KATNIP: variants seen among roughly 807,000 people sequenced by gnomAD.
KATNIP encodes katanin interacting protein.
Under a neutral mutation model 174.0 loss-of-function variants are expected in KATNIP, and 126 were observed. The observed-to-expected ratio is 0.72, with a 90% CI of 0.63 to 0.84. The LOEUF (loss-of-function observed/expected upper bound fraction) is 0.84. KATNIP is among the 40% of genes least tolerant of loss of function. KATNIP has a pLI of 0.00. For missense variants in KATNIP, 1,958 were observed against 2,109.7 expected (o/e 0.93, Z 1.41); for synonymous variants, 810 against 835.7 (o/e 0.97, Z 0.53).
chr16:27,600,147 G>A (rs1372921115), intron 2 of KATNIP, among the ~76,000 whole-genome samples: 1 of 152,154 alleles, frequency 6.6e-6, no homozygotes, highest in African/African-American at 2.4e-5. Context: ...GACATGCCCT[G>A]GCATGGATTA....
At chr16:27,644,562 G>C (rs1265819429) in intron 5 of KATNIP, 2 of 152,250 alleles carry the variant, frequency 1.3e-5, no homozygotes, top group Admixed American at 6.5e-5. Context: ...CTGGAGCATA[G>C]TGACGTGATC....
chr16:27,664,928 A>G (rs896855366), intron 6 of KATNIP, among the ~76,000 whole-genome samples: 4 of 152,172 alleles, frequency 2.6e-5, no homozygotes. Flanking sequence ...CCCTGAGGCT[A>G]GAGTGGGGGG....
intron 2 of KATNIP, among the ~76,000 whole-genome samples, chr16:27,584,967 G>A (rs765768169): frequency 3.3e-5 from 5 of 152,138 alleles, no homozygotes; most frequent in Non-Finnish European, 5.9e-5. Context: ...TGTGTTATGT[G>A]CACCCTGGCA....
intron 16 of KATNIP, among the ~76,000 whole-genome samples, chr16:27,750,955 T>G (rs1215541478): frequency 2.0e-5 from 3 of 152,038 alleles, no homozygotes; most frequent in Admixed American, 1.3e-4. Flanking sequence ...CTCGAACTCC[T>G]GGGCTCAAGT....
At chr16:27,587,090 A>T (rs1262492374) in intron 2 of KATNIP, among the ~76,000 whole-genome samples, 1 of 152,092 alleles carries the variant, frequency 6.6e-6, no homozygotes, top group Non-Finnish European at 1.5e-5. Flanking sequence ...TGGCTCTACT[A>T]CTAGCTGTGT....
intron 6 of KATNIP, among the ~76,000 whole-genome samples, chr16:27,666,828 A>G (rs973140969): frequency 6.6e-6 from 1 of 152,028 alleles, no homozygotes; most frequent in Admixed American, 6.6e-5. Flanking sequence ...CCCTAAAGTT[A>G]GGGCACAAGC....
chr16:27,754,340 G>A, intron 18 of KATNIP, 89 bp downstream of exon 18: 3 of 1,105,992 alleles, frequency 2.7e-6, no homozygotes, highest in Non-Finnish European at 4.1e-6. Context: ...GGGTTTCGCT[G>A]GACAATCGGG....
intron 1 of KATNIP, among the ~76,000 whole-genome samples, chr16:27,567,649 G>A (rs1421872634): frequency 2.0e-5 from 3 of 152,160 alleles, no homozygotes; most frequent in Non-Finnish European, 2.9e-5. Flanking sequence ...TCAGCCTCCC[G>A]AGTAGCTGGC....
intron 7 of KATNIP, among the ~76,000 whole-genome samples, chr16:27,678,351 T>C (rs1024620734): frequency 3.9e-5 from 6 of 152,116 alleles, no homozygotes; most frequent in Admixed American, 6.5e-5. Flanking sequence ...GCAAGACTCA[T>C]TTTCTCCCCT....
chr16:27,675,051 A>T (rs2078063483), intron 6 of KATNIP, among the ~76,000 whole-genome samples: 1 of 152,240 alleles, frequency 6.6e-6, no homozygotes, highest in African/African-American at 2.4e-5. Context: ...GGATAGGTGT[A>T]GGATAACAGT....
At chr16:27,676,441 T>A (rs1319858448) in intron 6 of KATNIP, among the ~76,000 whole-genome samples, 1 of 152,200 alleles carries the variant, frequency 6.6e-6, no homozygotes, top group Non-Finnish European at 1.5e-5. Context: ...AAGGTGTTCC[T>A]CACTTCCTCC....
chr16:27,582,661 T>C (rs59001928), intron 2 of KATNIP, among the ~76,000 whole-genome samples: 128,418 of 152,132 alleles, frequency 0.84, 54,318 homozygotes, highest in East Asian at 1. Flanking sequence ...CCTAGGCTAG[T>C]TCTATCACTC....
rs538189225 is a variant in KATNIP, at chr16:27,670,879, T to C, written c.541-6850T>C. Among the ~76,000 whole-genome samples the C allele has an allele frequency of 3.9e-5, 6 of 152,308 alleles. No individual in the cohort carries two copies. In the South Asian group the frequency reaches 1.2e-3, roughly 32 times the overall value. ...GAAAAGGAAAGTCCTGGAAAGGCTGTCAGAGAGATCATTGTTAATAGTTGG... is the reference window on the plus strand; with the variant it reads ...GAAAAGGAAAGTCCTGGAAAGGCTGCCAGAGAGATCATTGTTAATAGTTGG... On this transcript the variant is annotated intron_variant, in intron 6 of 27. Transcript: ENST00000261588.
intron 6 of KATNIP, among the ~76,000 whole-genome samples, chr16:27,666,776 C>T (rs1240042728): frequency 6.6e-6 from 1 of 152,096 alleles, no homozygotes; most frequent in Non-Finnish European, 1.5e-5. Flanking sequence ...CCTGTAATCC[C>T]AGTACTTTGG....
chr16:27,637,737 G>A lies in KATNIP; in HGVS notation c.408+6575G>A, dbSNP rs551819307. Reference sequence around the variant, plus strand: ...GTCAGGGTTGCAAGTAGGAAGAACCGGCCATGCAGGGCCTAGAAGACCACA... The same window carrying A: ...GTCAGGGTTGCAAGTAGGAAGAACCAGCCATGCAGGGCCTAGAAGACCACA... On this transcript the variant is annotated intron_variant, in intron 5 of 27. Transcript: ENST00000261588. This position sits in a 1 kb window ranked among gnomAD's most constrained non-coding sequence, Gnocchi z 4.7. Among the ~76,000 whole-genome samples the A allele has an allele frequency of 4.6e-5, 7 of 152,276 alleles. No individual in the cohort carries two copies. The South Asian group carries it at 8.3e-4, about 18-fold the overall frequency.
chr16:27,573,751 T>C, intron 1 of KATNIP, 150 bp from the exon 2 acceptor site: 1 of 686,850 alleles, frequency 1.5e-6, no homozygotes, highest in South Asian at 1.8e-5. Flanking sequence ...GTGTGCCATT[T>C]TCCCATTATA....
intron 18 of KATNIP, among the ~76,000 whole-genome samples, chr16:27,760,848 T>C (rs972019757): frequency 6.6e-6 from 1 of 150,918 alleles, no homozygotes; most frequent in African/African-American, 2.4e-5. Context: ...TCAATGGAGG[T>C]TTGACCTGGT....
chr16:27,651,876 C>T (rs982064947), intron 6 of KATNIP, among the ~76,000 whole-genome samples: 1 of 152,286 alleles, frequency 6.6e-6, no homozygotes, highest in Middle Eastern at 3.4e-3. Context: ...CCAACCAGTA[C>T]GCCCCACTAA....
chr16:27,562,639 G>A (rs1439891585), intron 1 of KATNIP, among the ~76,000 whole-genome samples: 1 of 152,212 alleles, frequency 6.6e-6, no homozygotes, highest in Non-Finnish European at 1.5e-5. Context: ...TGGGGAACTG[G>A]AATGGCTGGA....
Sources: gnomAD v4.1 joint callset for allele counts (sites outside exome capture counted in the v4.1 genomes callset) on GRCh38, gnomAD v4.1.1 for gene constraint, Gnocchi (gnomAD v3.1) non-coding constraint, MANE v1.5 for transcripts, NCBI Gene and HGNC (gene_info 2026-07-23, HGNC 2026-07-21) for gene names.